The following DNAH5 variants were observed in gnomAD, a reference collection of about 807,000 sequenced individuals.
The protein encoded by DNAH5 is axonemal beta dynein heavy chain 5.
In DNAH5, 372 loss-of-function variants were observed where a neutral mutation model predicts 518.2. That is an observed-to-expected ratio of 0.72 (90% CI 0.66 to 0.78). The LOEUF (loss-of-function observed/expected upper bound fraction) is 0.78, where lower values mean the gene tolerates loss of function less well. DNAH5 is among the 30% of genes least tolerant of loss of function. DNAH5 has a pLI of 0.00. For synonymous variants in DNAH5, 2,039 were observed against 2,025.9 expected (o/e 1.01, Z -0.17); for missense variants, 5,523 against 5,687.0 (o/e 0.97, Z 0.93).
chr5:13,763,544 CA>C (rs1186158815), intron 59 of DNAH5, among the ~76,000 whole-genome samples: 10 of 152,094 alleles, frequency 6.6e-5, no homozygotes. Flanking sequence ...TTCTGCATCA[CA>C]AAAAGAAGAC....
chr5:13,716,351 G>C, intron 74 of DNAH5, 136 bp downstream of exon 74: 1 of 687,620 alleles, frequency 1.5e-6, no homozygotes. Context: ...TATGAAGAAA[G>C]CCTTCACAGC....
chr5:13,925,505 C>T (rs146093590), intron 3 of DNAH5, among the ~76,000 whole-genome samples: 196 of 152,290 alleles, frequency 1.3e-3, no homozygotes, highest in African/African-American at 4.2e-3. Flanking sequence ...TACAGTTCCA[C>T]GTGGCTGGGG....
intron 5 of DNAH5, among the ~76,000 whole-genome samples, chr5:13,921,798 G>A (rs1272695817): frequency 6.9e-6 from 1 of 145,336 alleles, no homozygotes; most frequent in Non-Finnish European, 1.5e-5. Flanking sequence ...TTTCATTCTA[G>A]GATGCACAGC....
rs1561574846 is a variant in DNAH5, at chr5:13,920,487, G to A, written c.791C>T (p.Thr264Ile). ...TTGGTTTCTCAAAATTACCTGTTCT[G>A]TCTGTTTGATCCATACTTTCATGCA... The part of the protein sequence containing the change: ...EDCMKVWIKQ[T>I]EQVLAENNQL... Residue 264 changes from threonine to isoleucine, a missense_variant, in exon 6 of 79, where the codon ACA (threonine) becomes ATA (isoleucine). Physicochemically the swap from Thr to Ile is moderately conservative, Grantham distance 89. This residue lies in a region of DNAH5 where 5,121 missense variants were observed against 5,223.3 expected (regional missense o/e 0.98). Coordinates refer to ENST00000265104, the MANE Select transcript of DNAH5 (RefSeq NM_001369.3). The A allele has an allele frequency of 1.9e-6, 3 of 1,614,116 alleles. No individual in the cohort carries two copies. The highest frequency in any genetic ancestry group is 2.5e-6 in the Non-Finnish European group (3 of 1,180,000).
At position 13,823,379 on chromosome 5, in the gene DNAH5, A is replaced by G; in HGVS notation, c.6580-9T>C. 1 of 1,575,914 alleles carries G rather than the reference A, an allele frequency of 6.3e-7. No homozygotes were observed. The highest frequency in any genetic ancestry group is 8.7e-7 in the Non-Finnish European group (1 of 1,145,482). On this transcript the variant is annotated splice_polypyrimidine_tract_variant and intron_variant, in intron 39 of 78. Coordinates refer to ENST00000265104, the MANE Select transcript of DNAH5 (RefSeq NM_001369.3). ...GGTTCATCCTCATCAATCTAAAAAA[A>G]GAAAATGGGAAATCAGACCAATTAT...
rs1046852815 is a variant in DNAH5, at chr5:13,919,441, A to G, written c.799-89T>C. On this transcript the variant is annotated intron_variant, in intron 6 of 78. Coordinates refer to ENST00000265104, the MANE Select transcript of DNAH5 (RefSeq NM_001369.3). ...AAGCAAAAAACAAATAAGGAAATCA[A>G]TTATCCTATCTGGATCATGATATAT... 1.0e-5 allele frequency: 15 copies of G among 1,499,484 alleles called. No homozygotes were observed. The African/African-American group carries it at 1.5e-4, about 15-fold the overall frequency. 92.9% of individuals were successfully genotyped at this position (1,499,484 alleles called of 1,614,324 possible). A position where few individuals can be genotyped will look rare whatever the true frequency, so the allele number is the denominator to read the frequency against.
chr5:13,956,347 T>C (rs1780760016), intron 1 of DNAH5, among the ~76,000 whole-genome samples: 1 of 152,232 alleles, frequency 6.6e-6, no homozygotes, highest in Non-Finnish European at 1.5e-5. Flanking sequence ...GCTCATTAAA[T>C]ATATGTTGAA....
At chr5:13,692,244 G>A (rs776445326) in intron 78 of DNAH5, 109 bp from the exon 79 acceptor site, 6 of 1,263,336 alleles carry the variant, frequency 4.7e-6, no homozygotes, top group Non-Finnish European at 6.8e-6. Flanking sequence ...AAACAGATGG[G>A]TTTGGCTGAA....
intron 1 of DNAH5, among the ~76,000 whole-genome samples, chr5:13,959,912 G>A (rs1301744173): frequency 6.6e-6 from 1 of 152,076 alleles, no homozygotes. Context: ...AGGTTGCAGT[G>A]AGCCGAGATT....
At chr5:13,785,878 T>C (rs1433732923) in intron 52 of DNAH5, among the ~76,000 whole-genome samples, 1 of 152,220 alleles carries the variant, frequency 6.6e-6, no homozygotes, top group African/African-American at 2.4e-5. Context: ...ACTTTGCCTG[T>C]GCTCTGAACT....
At chr5:13,896,244 A>G (rs992421669) in intron 15 of DNAH5, among the ~76,000 whole-genome samples, 4 of 152,056 alleles carry the variant, frequency 2.6e-5, no homozygotes, top group African/African-American at 9.7e-5. Context: ...ACCTTTATAC[A>G]AAGGACTTGG....
chr5:13,838,583 C>T (rs538526725), intron 35 of DNAH5, among the ~76,000 whole-genome samples: 4 of 152,166 alleles, frequency 2.6e-5, no homozygotes, highest in African/African-American at 7.2e-5. Flanking sequence ...CCATCACCCC[C>T]AGATGGGACT....
chr5:13,698,001 G>A (rs957557692), intron 78 of DNAH5, among the ~76,000 whole-genome samples: 1 of 152,198 alleles, frequency 6.6e-6, no homozygotes, highest in Non-Finnish European at 1.5e-5. Flanking sequence ...TGGGTCAAAA[G>A]GGTGAATCCC....
intron 11 of DNAH5, among the ~76,000 whole-genome samples, chr5:13,912,864 T>A (rs1776177696): frequency 1.3e-5 from 2 of 151,928 alleles, no homozygotes. Flanking sequence ...CTCAATCTAC[T>A]TAATTATTTT....
intron 47 of DNAH5, among the ~76,000 whole-genome samples, chr5:13,804,530 T>A (rs911443607): frequency 6.6e-6 from 1 of 152,230 alleles, no homozygotes; most frequent in Non-Finnish European, 1.5e-5. Flanking sequence ...GAAAGTTAAT[T>A]ACAACAGTTT....
At chr5:13,926,763 T>C (rs1474059017) in intron 3 of DNAH5, among the ~76,000 whole-genome samples, 5 of 152,230 alleles carry the variant, frequency 3.3e-5, no homozygotes, top group Non-Finnish European at 7.3e-5. Flanking sequence ...CGAACACTTC[T>C]TGGTCCAAGT....
At chr5:13,808,162 A>T (rs562858111) in intron 46 of DNAH5, among the ~76,000 whole-genome samples, 2 of 150,060 alleles carry the variant, frequency 1.3e-5, no homozygotes, top group African/African-American at 4.9e-5. Flanking sequence ...CCCGAGAGGC[A>T]GACGTAGCAG....
At chr5:13,905,462 C>T (rs2151968702) in intron 12 of DNAH5, among the ~76,000 whole-genome samples, 1 of 152,296 alleles carries the variant, frequency 6.6e-6, no homozygotes, top group Non-Finnish European at 1.5e-5. Flanking sequence ...TCTCAGTCTC[C>T]AGAACTGTAA....
At chr5:13,709,152 G>C (rs1323352302) in intron 75 of DNAH5, among the ~76,000 whole-genome samples, 2 of 152,152 alleles carry the variant, frequency 1.3e-5, no homozygotes, top group Non-Finnish European at 2.9e-5. Flanking sequence ...CTTAAGTTCA[G>C]TCTGTAGTAT....
Sources: allele counts gnomAD v4.1 joint callset (sites outside exome capture counted in the v4.1 genomes callset), GRCh38; gene constraint gnomAD v4.1.1; regional missense constraint gnomAD v4.1.1; transcripts MANE v1.5; gene names NCBI Gene and HGNC (gene_info 2026-07-23, HGNC 2026-07-21).